CDIN1: variants seen among roughly 807,000 people sequenced by gnomAD.
The protein encoded by CDIN1 is CDAN1-interacting nuclease 1.
A neutral mutation model predicts 45.3 loss-of-function variants in CDIN1; 33 were observed. That is an observed-to-expected ratio of 0.73 (90% CI 0.55 to 0.97). The LOEUF is 0.97. Ranked by LOEUF, CDIN1 falls within the 50% of genes least tolerant of loss-of-function variation. The probability of loss-of-function intolerance (pLI) is 0.00; values close to 1 mark genes in which losing one functional copy is unlikely to be tolerated. For missense variants in CDIN1, 303 were observed against 339.4 expected, an observed-to-expected ratio of 0.89 and a Z score of 0.84; for synonymous variants, 118 against 124.4, an observed-to-expected ratio of 0.95 and a Z score of 0.34.
intron 10 of CDIN1, among the ~76,000 whole-genome samples, chr15:36,773,072 G>C (rs1308654066): frequency 6.6e-6 from 1 of 151,934 alleles, no homozygotes; most frequent in Non-Finnish European, 1.5e-5. Context: ...GTTTGTGGGG[G>C]GTGGGGGGAG....
At chr15:36,802,445 G>T (rs536636482) in intron 10 of CDIN1, among the ~76,000 whole-genome samples, 1 of 152,144 alleles carries the variant, frequency 6.6e-6, no homozygotes, top group Non-Finnish European at 1.5e-5. Flanking sequence ...GGTTATTGGG[G>T]TTAATTTAGC....
chr15:36,725,343 A>G (rs1487268276), intron 10 of CDIN1, among the ~76,000 whole-genome samples: 6 of 144,780 alleles, frequency 4.1e-5, no homozygotes, highest in Non-Finnish European at 7.5e-5. Flanking sequence ...TCCAGTTACC[A>G]TCAAGCTGAA....
At position 36,634,291 on chromosome 15, in the gene CDIN1, G is replaced by A. The variant is rs745711078; in HGVS notation, c.102-9987G>A. On this transcript the variant is annotated intron_variant, in intron 1 of 10. Transcript: ENST00000566621. ...TAAAAATACAAAAAATTAGTCAGGCGTGGTGGTGCATGCCTGAAACCCCAG... is the reference window on the plus strand; with the variant it reads ...TAAAAATACAAAAAATTAGTCAGGCATGGTGGTGCATGCCTGAAACCCCAG... Among the ~76,000 whole-genome samples the A allele has an allele frequency of 2.7e-5, 4 of 146,952 alleles. No individual in the cohort carries two copies. In the South Asian group the frequency reaches 6.5e-4, roughly 24 times the overall value.
chr15:36,653,369 G>A (rs1466310113), intron 3 of CDIN1, among the ~76,000 whole-genome samples: 3 of 151,806 alleles, frequency 2.0e-5, no homozygotes, highest in Non-Finnish European at 2.9e-5. Context: ...CCTTACAAGA[G>A]CTGTTAAATG....
chr15:36,588,678 C>A (rs1165977975), intron 1 of CDIN1, among the ~76,000 whole-genome samples: 2 of 151,704 alleles, frequency 1.3e-5, no homozygotes, highest in African/African-American at 4.9e-5. Flanking sequence ...ACATTTTTTT[C>A]TGTATTATTA....
chr15:36,667,101 A>G (rs765251853), intron 5 of CDIN1, among the ~76,000 whole-genome samples: 1 of 152,218 alleles, frequency 6.6e-6, no homozygotes, highest in Non-Finnish European at 1.5e-5. Flanking sequence ...AATATATTTT[A>G]TAGCACAGTT....
At chr15:36,749,333 C>T (rs1482597169) in intron 10 of CDIN1, among the ~76,000 whole-genome samples, 1 of 152,140 alleles carries the variant, frequency 6.6e-6, no homozygotes, top group African/African-American at 2.4e-5. Flanking sequence ...TGACCTAAAG[C>T]AAACAATGTG....
In CDIN1 at chr15:36,808,326, T is replaced by G; in HGVS notation, c.719T>G (p.Phe240Cys). The G allele has an allele frequency of 6.2e-7, 1 of 1,613,376 alleles. No homozygotes were observed. Among genetic ancestry groups the G allele is most frequent in the Non-Finnish European group, 8.5e-7 (1 of 1,179,488 alleles). ...HDQFWSYWNRFGPGLVIYWYG... is the reference protein window; with the variant it reads ...HDQFWSYWNRCGPGLVIYWYG... ...GTTATTTTCTGGTGTTTTTACAGAT[T>G]TGGGCCAGGCTTAGTCATCTATTGG... is the stretch of plus-strand genomic sequence containing the variant. Residue 240 changes from phenylalanine (F) to cysteine (C), a missense_variant and splice_region_variant, in exon 11 of 11, where the codon TTT becomes TGT. Coordinates refer to ENST00000566621, the MANE Select transcript of CDIN1 (RefSeq NM_001321759.2).
chr15:36,804,674 C>CTTTTTTTTTTTTTT lies in CDIN1; in HGVS notation c.717-3643_717-3630dup, dbSNP rs3045810. 2.4e-5 allele frequency: 2 copies of CTTTTTTTTTTTTTT among 84,890 alleles called. 1 individual carries two copies. Among genetic ancestry groups the CTTTTTTTTTTTTTT allele is most frequent in the Non-Finnish European group, 4.1e-5 (2 of 48,950 alleles). 5.3% of individuals were successfully genotyped at this position (84,890 alleles called of 1,614,324 possible). On this transcript the variant is annotated intron_variant, in intron 10 of 10. Transcript: ENST00000566621. ...AAAATGAAATGAAACCAGAGAATCA[C>CTTTTTTTTTTTTTT]TTTTTTTTTTTTTTTTTTTTCAGAG...
At chr15:36,590,219 A>G (rs1254563236) in intron 1 of CDIN1, among the ~76,000 whole-genome samples, 1 of 152,170 alleles carries the variant, frequency 6.6e-6, no homozygotes, top group Non-Finnish European at 1.5e-5. Context: ...GACCTCATAA[A>G]TAGCTGGGAT....
intron 10 of CDIN1, among the ~76,000 whole-genome samples, chr15:36,798,313 C>T (rs2054888397): frequency 6.6e-6 from 1 of 152,146 alleles, no homozygotes; most frequent in African/African-American, 2.4e-5. Context: ...TTCTAATGAT[C>T]TAGACATTTC....
intron 1 of CDIN1, among the ~76,000 whole-genome samples, chr15:36,630,944 G>T (rs1253544621): frequency 6.6e-6 from 1 of 152,194 alleles, no homozygotes; most frequent in African/African-American, 2.4e-5. Flanking sequence ...TGAGGGATCT[G>T]CCTCCATGGC....
At chr15:36,660,572 C>T (rs967894840) in intron 5 of CDIN1, among the ~76,000 whole-genome samples, 1 of 152,058 alleles carries the variant, frequency 6.6e-6, no homozygotes, top group Non-Finnish European at 1.5e-5. Flanking sequence ...TTGGGTTTCT[C>T]ACGCGATAAT....
chr15:36,736,194 TTC>T (rs898367112), intron 10 of CDIN1, among the ~76,000 whole-genome samples: 11 of 151,990 alleles, frequency 7.2e-5, no homozygotes, highest in African/African-American at 2.7e-4. Flanking sequence ...TCACCCCCAT[TTC>T]TCTCTCTGTT....
chr15:36,595,015 A>G, intron 1 of CDIN1: 2 of 651,666 alleles, frequency 3.1e-6, no homozygotes, highest in Non-Finnish European at 1.9e-6. Context: ...CTATAGAGAA[A>G]AAAATGTTCT....
chr15:36,724,068 G>A (rs1233141410), intron 10 of CDIN1, among the ~76,000 whole-genome samples: 1 of 152,180 alleles, frequency 6.6e-6, no homozygotes, highest in Non-Finnish European at 1.5e-5. Flanking sequence ...TGTTTCATAT[G>A]AGAAAGTTGA....
intron 10 of CDIN1, among the ~76,000 whole-genome samples, chr15:36,722,979 G>GTA (rs2043485059): frequency 7.4e-6 from 1 of 134,986 alleles, no homozygotes; most frequent in African/African-American, 3.0e-5. Flanking sequence ...GTGTGTGTGT[G>GTA]TGTGTGTTTC....
intron 10 of CDIN1, among the ~76,000 whole-genome samples, chr15:36,775,650 C>A (rs2054199861): frequency 1.3e-5 from 2 of 152,166 alleles, no homozygotes; most frequent in Non-Finnish European, 2.9e-5. Flanking sequence ...AGTCTTGATC[C>A]AATAGCAATG....
intron 10 of CDIN1, among the ~76,000 whole-genome samples, chr15:36,785,624 A>G (rs1433007860): frequency 6.6e-6 from 1 of 152,152 alleles, no homozygotes; most frequent in East Asian, 1.9e-4. Flanking sequence ...TTTTCTACAC[A>G]TTGCAACTTG....
Sources: allele counts gnomAD v4.1 joint callset (sites outside exome capture counted in the v4.1 genomes callset), GRCh38; gene constraint gnomAD v4.1.1; transcripts MANE v1.5; gene names NCBI Gene and HGNC (gene_info 2026-07-23, HGNC 2026-07-21).